GPHN: variants seen among roughly 807,000 people sequenced by gnomAD.
GPHN encodes gephyrin.
In GPHN, 17 loss-of-function variants were observed where a neutral mutation model predicts 95.5. The observed-to-expected ratio is 0.18, with a 90% CI of 0.12 to 0.27. The LOEUF is 0.27. Among genes scored for constraint, GPHN ranks in the 10% least tolerant of loss-of-function variants. GPHN has a pLI of 1.00. For synonymous variants in GPHN, 320 were observed against 322.5 expected (o/e 0.99, Z 0.08); for missense variants, 660 against 978.1 (o/e 0.67, Z 4.34).
Position 67,088,998 on chromosome 14 carries a change from T to G in GPHN, c.1160T>G (p.Val387Gly). 1 of 1,594,758 alleles carries G rather than the reference T, an allele frequency of 6.3e-7. No homozygotes were observed. The highest frequency in any genetic ancestry group is 8.6e-7 in the Non-Finnish European group (1 of 1,162,402). Residue 387 changes from valine to glycine, a missense_variant, in exon 12 of 23, where the codon GTC (valine) becomes GGC (glycine). Coordinates refer to ENST00000478722, the MANE Select transcript of GPHN (RefSeq NM_020806.5). ...IINYRDGMGR[V>G]LAQDVYAKDN... The stretch of plus-strand genomic sequence containing the variant: ...CTTCCTTCAGATGGAATGGGGCGAG[T>G]CCTTGCTCAAGATGTATATGCAAAA...
intron 10 of GPHN, among the ~76,000 whole-genome samples, chr14:67,048,705 C>T (rs1293817625): frequency 1.3e-5 from 2 of 152,142 alleles, no homozygotes; most frequent in Non-Finnish European, 2.9e-5. Context: ...AGCTAGTCTA[C>T]CTGCAAATTA....
intron 2 of GPHN, among the ~76,000 whole-genome samples, chr14:66,720,901 C>T (rs541027507): frequency 5.3e-5 from 8 of 152,134 alleles, no homozygotes; most frequent in Middle Eastern, 3.4e-3. Flanking sequence ...TACCACATTG[C>T]GGTAAACTAT....
chr14:67,558,826 C>A, the GPHN span, among the ~76,000 whole-genome samples: 1 of 152,202 alleles, frequency 6.6e-6, no homozygotes, highest in Non-Finnish European at 1.5e-5. Context: ...GTTTTGTGGG[C>A]CACAGGTCTC....
chr14:66,869,580 G>A (rs1217661670), intron 4 of GPHN, among the ~76,000 whole-genome samples: 1 of 152,144 alleles, frequency 6.6e-6, no homozygotes, highest in Non-Finnish European at 1.5e-5. Context: ...TTGCATCTGG[G>A]TTCTTGCTCT....
At chr14:67,239,684 C>T in the GPHN span, among the ~76,000 whole-genome samples, 1 of 152,112 alleles carries the variant, frequency 6.6e-6, no homozygotes, top group African/African-American at 2.4e-5. Context: ...GGCGAAACCC[C>T]GTCTCTACTA....
chr14:66,669,299 G>A (rs2066160105), intron 1 of GPHN, among the ~76,000 whole-genome samples: 1 of 151,622 alleles, frequency 6.6e-6, no homozygotes, highest in African/African-American at 2.4e-5. Context: ...AGGAGGCGGA[G>A]GTTGTGGTGA....
chr14:67,323,615 A>AATATATATATATATATAT, the GPHN span: 168 of 260,256 alleles, frequency 6.5e-4, no homozygotes, highest in Admixed American at 1.2e-3. Flanking sequence ...CCCTTAATCT[A>AATATATATATATATATAT]ATATATATAT....
At chr14:67,037,137 A>G (rs2074460727) in intron 10 of GPHN, among the ~76,000 whole-genome samples, 1 of 152,068 alleles carries the variant, frequency 6.6e-6, no homozygotes, top group Non-Finnish European at 1.5e-5. Flanking sequence ...GTTCGTGTAT[A>G]TGGTCAAATG....
the GPHN span, among the ~76,000 whole-genome samples, chr14:67,516,793 T>C: frequency 2.6e-5 from 4 of 152,206 alleles, no homozygotes; most frequent in Non-Finnish European, 4.4e-5. Flanking sequence ...TCAAGCCATT[T>C]TTCTCAGAAG....
Position 66,832,813 on chromosome 14 carries a change from G to A in GPHN, c.294+8247G>A, listed in dbSNP as rs74940128. Among the ~76,000 whole-genome samples the A allele has an allele frequency of 5.4e-3, 828 of 152,174 alleles. 10 individuals are homozygous for A. Among genetic ancestry groups the A allele is most frequent in the African/African-American group, 0.019 (786 of 41,518 alleles). On this transcript the variant is annotated intron_variant, in intron 4 of 22. Coordinates refer to ENST00000478722, the MANE Select transcript of GPHN (RefSeq NM_020806.5). The stretch of plus-strand genomic sequence containing the variant: ...TCAGGCAAAAAGATTTATTCAAAGA[G>A]AAAGATTAAAAGAGAGCTTGAGTAA...
At chr14:67,151,075 T>A (rs963154139) in intron 18 of GPHN, among the ~76,000 whole-genome samples, 1 of 152,220 alleles carries the variant, frequency 6.6e-6, no homozygotes, top group Non-Finnish European at 1.5e-5. Flanking sequence ...ACAGGGCATC[T>A]TTAAGAGACG....
At chr14:67,437,988 A>G in the GPHN span, among the ~76,000 whole-genome samples, 1 of 152,086 alleles carries the variant, frequency 6.6e-6, no homozygotes, top group South Asian at 2.1e-4. Flanking sequence ...CTGAGTCAAG[A>G]GGGCTGAGAG....
chr14:67,592,546 A>G, the GPHN span: 7 of 765,308 alleles, frequency 9.1e-6, no homozygotes, highest in African/African-American at 1.2e-4. Flanking sequence ...GCTGTCAGGT[A>G]TCTTCCAATA....
intron 9 of GPHN, 36 bp downstream of exon 9, chr14:66,965,361 T>G (rs761692224): frequency 6.3e-7 from 1 of 1,591,388 alleles, no homozygotes; most frequent in Non-Finnish European, 8.6e-7. Flanking sequence ...CACCTGCTCT[T>G]CTATAGTAAT....
chr14:66,742,444 T>C (rs1051420586), intron 2 of GPHN, among the ~76,000 whole-genome samples: 1 of 152,216 alleles, frequency 6.6e-6, no homozygotes, highest in Non-Finnish European at 1.5e-5. Flanking sequence ...GATTCCGTCC[T>C]GTTTGGGCAG....
chr14:66,732,435 C>G (rs1483786273), intron 2 of GPHN, among the ~76,000 whole-genome samples: 1 of 152,230 alleles, frequency 6.6e-6, no homozygotes, highest in Admixed American at 6.5e-5. Context: ...GGGCCTGTAG[C>G]CCCTTTGTTT....
chr14:66,823,675 G>C (rs1358692918), intron 3 of GPHN, among the ~76,000 whole-genome samples: 1 of 152,068 alleles, frequency 6.6e-6, no homozygotes, highest in African/African-American at 2.4e-5. Context: ...TCATTTTTTA[G>C]GTCTTGGATT....
chr14:67,152,476 C>A (rs78164120), intron 18 of GPHN, among the ~76,000 whole-genome samples: 1 of 121,742 alleles, frequency 8.2e-6, no homozygotes, highest in African/African-American at 5.4e-5. Flanking sequence ...CAACAACGAG[C>A]AAATAAGATG....
intron 4 of GPHN, among the ~76,000 whole-genome samples, chr14:66,870,924 A>T (rs1217464512): frequency 6.6e-6 from 1 of 152,196 alleles, no homozygotes; most frequent in Non-Finnish European, 1.5e-5. Context: ...CTGATTTCAT[A>T]CCACAGAAGC....
Sources: gnomAD v4.1 joint callset for allele counts (sites outside exome capture counted in the v4.1 genomes callset) on GRCh38, gnomAD v4.1.1 for gene constraint, MANE v1.5 for transcripts, NCBI Gene and HGNC (gene_info 2026-07-23, HGNC 2026-07-21) for gene names.